The following NUMA1 variants were observed in gnomAD, a reference collection of about 807,000 sequenced individuals.
NUMA1 encodes the protein SP-H antigen.
In NUMA1, 62 loss-of-function variants were observed where a neutral mutation model predicts 237.1. The observed-to-expected ratio is 0.26, with a 90% CI of 0.21 to 0.32. The LOEUF (loss-of-function observed/expected upper bound fraction) is 0.32. NUMA1 is among the 10% of genes least tolerant of loss of function. NUMA1 has a pLI of 1.00. For missense variants in NUMA1, 2,533 were observed against 2,666.5 expected (o/e 0.95, Z 1.10); for synonymous variants, 1,028 against 1,066.1 (o/e 0.96, Z 0.70).
At chr11:72,009,647 C>A (rs1472396507) in intron 17 of NUMA1, among the ~76,000 whole-genome samples, 1 of 152,222 alleles carries the variant, frequency 6.6e-6, no homozygotes, top group Non-Finnish European at 1.5e-5. Context: ...AGACCAGACA[C>A]AAAGTGTCAC....
intron 13 of NUMA1, 96 bp from the exon 14 acceptor site, chr11:72,016,626 A>C: frequency 6.9e-7 from 1 of 1,455,212 alleles, no homozygotes; most frequent in East Asian, 2.3e-5. Context: ...GGGGCCCATC[A>C]TCTTGTTACC....
chr11:72,052,604 A>T (rs545702743), intron 2 of NUMA1, among the ~76,000 whole-genome samples: 1 of 152,232 alleles, frequency 6.6e-6, no homozygotes, highest in African/African-American at 2.4e-5. Context: ...CGTCTCTACT[A>T]AAAACACAAA....
intron 3 of NUMA1, 55 bp downstream of exon 3, chr11:72,035,847 C>A: frequency 3.2e-6 from 5 of 1,553,976 alleles, no homozygotes; most frequent in Non-Finnish European, 4.4e-6. Context: ...CCTCTCCTAA[C>A]TCTCTCAAGC....
intron 20 of NUMA1, 190 bp downstream of exon 20, chr11:72,008,498 C>T (rs919175800): frequency 1.2e-5 from 8 of 641,882 alleles, no homozygotes; most frequent in South Asian, 5.8e-5. Flanking sequence ...ATAGCTTCCA[C>T]GAAGCCTTTC....
At chr11:72,063,315 T>C (rs969287289) in intron 2 of NUMA1, among the ~76,000 whole-genome samples, 4 of 152,092 alleles carry the variant, frequency 2.6e-5, no homozygotes, top group Non-Finnish European at 4.4e-5. Context: ...CCCTGAAAGG[T>C]TGAGGCTGTG....
chr11:72,062,158 A>G (rs1444049358), intron 2 of NUMA1, among the ~76,000 whole-genome samples: 1 of 151,574 alleles, frequency 6.6e-6, no homozygotes, highest in Non-Finnish European at 1.5e-5. Context: ...CAGTTCCTAT[A>G]CGGCAGGCAG....
intron 26 of NUMA1, 80 bp downstream of exon 26, chr11:72,003,807 G>T: frequency 1.4e-6 from 2 of 1,457,402 alleles, no homozygotes; most frequent in South Asian, 2.3e-5. Context: ...GCCCCATCTT[G>T]GATGCTACTT....
intron 2 of NUMA1, among the ~76,000 whole-genome samples, chr11:72,055,328 G>C (rs559321171): frequency 2.6e-4 from 40 of 152,206 alleles, no homozygotes; most frequent in African/African-American, 9.6e-4. Context: ...TACCAAAGAG[G>C]AATGAAGTCC....
intron 2 of NUMA1, among the ~76,000 whole-genome samples, chr11:72,063,068 T>C (rs1268166110): frequency 6.6e-6 from 1 of 151,606 alleles, no homozygotes; most frequent in Non-Finnish European, 1.5e-5. Context: ...CGAAACTCCA[T>C]CTCAAAAACA....
chr11:72,056,413 C>T (rs1461871173), intron 2 of NUMA1, among the ~76,000 whole-genome samples: 4 of 149,904 alleles, frequency 2.7e-5, no homozygotes, highest in Non-Finnish European at 4.4e-5. Flanking sequence ...CCTCCGCCTT[C>T]CAGTTTCAAG....
At chr11:72,003,830 T>G (rs2134316826) in intron 26 of NUMA1, 57 bp downstream of exon 26, 3 of 1,571,674 alleles carry the variant, frequency 1.9e-6, no homozygotes, top group South Asian at 1.1e-5. Context: ...TGGGGCGGTC[T>G]GGGGGGTGCC....
chr11:72,003,967 G>A lies in NUMA1; in HGVS notation c.6256C>T (p.Arg2086Cys), dbSNP rs771626832. 65 of 1,613,184 alleles carry A rather than the reference G, an allele frequency of 4.0e-5. No individual in the cohort carries two copies. Among genetic ancestry groups the A allele is most frequent in the African/African-American group, 6.7e-5 (5 of 74,898 alleles). ...ASPNTRSGTR[R>C]SPRIATTTAS... ...GTGGTGGTGGCAATGCGCGGAGAACGGCGGGTTCCACTGCGAGTGTTGGGG... is the reference window on the plus strand; with the variant it reads ...GTGGTGGTGGCAATGCGCGGAGAACAGCGGGTTCCACTGCGAGTGTTGGGG... Residue 2086 changes from arginine (R) to cysteine (C), a missense_variant, in exon 26 of 27, where the codon CGT becomes TGT. By Grantham distance (180) the Arg-to-Cys change is radical. Around this residue, in one of 3 missense-constraint regions of NUMA1, gnomAD observed 795 missense variants for 750.8 expected, o/e 1.06. Coordinates refer to ENST00000393695, the MANE Select transcript of NUMA1 (RefSeq NM_006185.4).
chr11:72,005,416 G>A, intron 22 of NUMA1, 47 bp from the exon 23 acceptor site: 1 of 1,584,448 alleles, frequency 6.3e-7, no homozygotes, highest in Non-Finnish European at 8.6e-7. Context: ...GAGTCGGCAG[G>A]TCACCTCCTG....
Position 72,003,226 on chromosome 11 carries a change from C to A in NUMA1, c.*301G>T. 2.1e-6 allele frequency: 1 copy of A among 466,716 alleles called. No homozygotes were observed. The highest frequency in any genetic ancestry group is 2.7e-5 in the South Asian group (1 of 36,506). The allele number at this position is 466,716 out of a possible 1,614,324, so 28.9% of individuals were successfully genotyped here. On this transcript the variant is annotated 3_prime_UTR_variant, in exon 27 of 27. Transcript: ENST00000393695. Reference sequence around the variant, plus strand: ...AGACTGGCCAGGCCCAAGGACCCAGCCATCAAAACCAGCCTCAAATCTGGT... The same window carrying A: ...AGACTGGCCAGGCCCAAGGACCCAGACATCAAAACCAGCCTCAAATCTGGT...
At position 72,003,449 on chromosome 11, in the gene NUMA1, TGA is replaced by T; in HGVS notation, c.*76_*77del. Reference sequence around the variant, plus strand: ...TGGCCTGGGAGCTGAGAGAAGGCACTGAGAGGGACAGTAGGCGGAGGACCAGG... The same window carrying T: ...TGGCCTGGGAGCTGAGAGAAGGCACTGAGGGACAGTAGGCGGAGGACCAGG... On this transcript the variant is annotated 3_prime_UTR_variant, in exon 27 of 27. Transcript: ENST00000393695. 2.8e-6 allele frequency: 4 copies of T among 1,427,448 alleles called. No individual in the cohort carries two copies. The Admixed American group carries it at 6.7e-5, about 24-fold the overall frequency. 88.4% of individuals were successfully genotyped at this position (1,427,448 alleles called of 1,614,324 possible).
chr11:72,061,696 G>A (rs983235446), intron 2 of NUMA1, among the ~76,000 whole-genome samples: 1 of 151,788 alleles, frequency 6.6e-6, no homozygotes, highest in Non-Finnish European at 1.5e-5. Flanking sequence ...TTGTCATGTT[G>A]CCTAAGCTCA....
At chr11:72,073,216 CG>C (rs1027321351) in intron 1 of NUMA1, among the ~76,000 whole-genome samples, 1 of 149,434 alleles carries the variant, frequency 6.7e-6, no homozygotes, top group African/African-American at 2.5e-5. Context: ...AAAAATTAGC[CG>C]GGTGTAGTCC....
rs1331199346 is a variant in NUMA1 at position 72,006,169 on chromosome 11, G to A, written c.5558C>T (p.Ser1853Phe). Reference sequence around the variant, plus strand: ...ACCCAGGCGAGCTAGAGACTGAGTAGAGGAGGTGGCTCGCAGGCTAGCCTG... The same window carrying A: ...ACCCAGGCGAGCTAGAGACTGAGTAAAGGAGGTGGCTCGCAGGCTAGCCTG... ...ASQASLRATS[S>F]TQSLARLGSP... The change falls in exon 22 of 27, where the codon TCT becomes TTT. Residue 1853 changes from serine to phenylalanine, a missense_variant. This residue lies in a region of NUMA1 where 795 missense variants were observed against 750.8 expected (regional missense o/e 1.06). Coordinates refer to ENST00000393695, the MANE Select transcript of NUMA1 (RefSeq NM_006185.4). 6 of 1,614,198 alleles carry A rather than the reference G, an allele frequency of 3.7e-6. No homozygotes were observed. The highest frequency in any genetic ancestry group is 4.2e-6 in the Non-Finnish European group (5 of 1,180,036).
chr11:72,065,217 TAA>T (rs1188918009), intron 2 of NUMA1: 1 of 152,192 alleles, frequency 6.6e-6, no homozygotes, highest in East Asian at 1.9e-4. Context: ...AATGTTCATA[TAA>T]AGATACACAG....
Sources: gnomAD v4.1 joint callset for allele counts (sites outside exome capture counted in the v4.1 genomes callset) on GRCh38, gnomAD v4.1.1 for gene constraint, gnomAD v4.1.1 regional missense constraint, MANE v1.5 for transcripts, NCBI Gene and HGNC (gene_info 2026-07-23, HGNC 2026-07-21) for gene names.